Variants in APBB1IP observed in about 807,000 individuals in gnomAD.
APBB1IP encodes the protein amyloid beta precursor protein binding family B member 1 interacting protein.
A neutral mutation model predicts 64.9 loss-of-function variants in APBB1IP; 27 were observed. That is an observed-to-expected ratio of 0.42 (90% CI 0.31 to 0.57). The LOEUF is 0.57. Ranked by LOEUF, APBB1IP falls within the 20% of genes least tolerant of loss-of-function variation. The pLI is 0.20. For synonymous variants in APBB1IP, 392 were observed against 331.0 expected (o/e 1.18, Z -2.00); for missense variants, 812 against 845.5 (o/e 0.96, Z 0.49).
chr10:26,440,253 C>T (rs948453636), intron 2 of APBB1IP, among the ~76,000 whole-genome samples: 1 of 152,058 alleles, frequency 6.6e-6, no homozygotes, highest in Admixed American at 6.5e-5. Flanking sequence ...CAGATAACGT[C>T]AGTAAAGTGA....
At chr10:26,447,508 G>A (rs1835415331) in intron 2 of APBB1IP, among the ~76,000 whole-genome samples, 1 of 152,128 alleles carries the variant, frequency 6.6e-6, no homozygotes, top group South Asian at 2.1e-4. Flanking sequence ...AAGGAAATGG[G>A]GAGAATCTAA....
chr10:26,476,400 TTGCACCAC>T (rs1835775650), intron 2 of APBB1IP, among the ~76,000 whole-genome samples: 1 of 129,086 alleles, frequency 7.7e-6, no homozygotes, highest in Non-Finnish European at 1.5e-5. Flanking sequence ...TGAGCTCTGA[TTGCACCAC>T]TGCACTCCAG....
At chr10:26,459,357 G>A (rs537986540) in intron 2 of APBB1IP, among the ~76,000 whole-genome samples, 12 of 152,062 alleles carry the variant, frequency 7.9e-5, no homozygotes, top group East Asian at 3.9e-4. Flanking sequence ...CATTTGGGTC[G>A]GTTCCAAGTT....
intron 8 of APBB1IP, among the ~76,000 whole-genome samples, chr10:26,520,404 C>A (rs1836388463): frequency 6.6e-6 from 1 of 152,142 alleles, no homozygotes; most frequent in African/African-American, 2.4e-5. Flanking sequence ...GCTTACCTGG[C>A]CCAGAATATC....
At chr10:26,554,052 C>T (rs1836864923) in intron 11 of APBB1IP, among the ~76,000 whole-genome samples, 2 of 152,128 alleles carry the variant, frequency 1.3e-5, no homozygotes, top group African/African-American at 2.4e-5. Context: ...ATTCCTAATC[C>T]GTAGTGGACA....
At chr10:26,462,246 C>A (rs1196968990) in intron 2 of APBB1IP, among the ~76,000 whole-genome samples, 1 of 152,152 alleles carries the variant, frequency 6.6e-6, no homozygotes, top group African/African-American at 2.4e-5. Flanking sequence ...AGATCTTTTT[C>A]TGGACCTCTT....
intron 8 of APBB1IP, among the ~76,000 whole-genome samples, chr10:26,521,685 T>C (rs1029034528): frequency 1.3e-5 from 2 of 152,230 alleles, no homozygotes; most frequent in African/African-American, 4.8e-5. Context: ...TGAAAAACCA[T>C]GTGCCACCTC....
In APBB1IP at chr10:26,566,970, C is replaced by G; in HGVS notation, c.1483C>G (p.Pro495Ala). ...RHAETSKDKK[P>A]ALGNHHDPAV... ...TGCCACTCGGTTGCAGGATAAGAAG[C>G]CAGCCCTCGGGAACCACCACGACCC... The change falls in exon 15 of 15, where the codon CCA becomes GCA. Residue 495 changes from proline (P) to alanine (A), a missense_variant. Pro to Ala is a conservative substitution (Grantham distance 27). This residue lies in a region of APBB1IP where 381 missense variants were observed against 352.1 expected (regional missense o/e 1.08). Transcript: ENST00000376236. The G allele has an allele frequency of 6.3e-7, 1 of 1,579,616 alleles. No individual in the cohort carries two copies. The highest frequency in any genetic ancestry group is 1.7e-5 in the Admixed American group (1 of 57,626).
At chr10:26,441,460 C>T (rs147043482) in intron 2 of APBB1IP, among the ~76,000 whole-genome samples, 11 of 152,154 alleles carry the variant, frequency 7.2e-5, no homozygotes. Flanking sequence ...GAAGGGCAGA[C>T]CCTGAGGACA....
At chr10:26,465,794 T>G (rs1423667793) in intron 2 of APBB1IP, among the ~76,000 whole-genome samples, 1 of 152,214 alleles carries the variant, frequency 6.6e-6, no homozygotes, top group African/African-American at 2.4e-5. Context: ...ATGAGGATAA[T>G]ATATTTTGCA....
intron 5 of APBB1IP, among the ~76,000 whole-genome samples, chr10:26,502,164 T>C (rs962411078): frequency 6.6e-6 from 1 of 152,170 alleles, no homozygotes; most frequent in Non-Finnish European, 1.5e-5. Context: ...AAAAGATACA[T>C]GCCTATATTC....
intron 2 of APBB1IP, among the ~76,000 whole-genome samples, chr10:26,439,331 A>G (rs1835314381): frequency 6.6e-6 from 1 of 152,058 alleles, no homozygotes; most frequent in African/African-American, 2.4e-5. Flanking sequence ...TCGCAGTCTG[A>G]TGCATCTTAG....
intron 13 of APBB1IP, among the ~76,000 whole-genome samples, chr10:26,561,064 C>CTTTCTTTTTTT (rs1218039459): frequency 1.2e-4 from 8 of 69,210 alleles, no homozygotes; most frequent in Admixed American, 9.2e-4. Flanking sequence ...TTCTTTCTTT[C>CTTTCTTTTTTT]TTTTTTTTTT....
chr10:26,565,444 C>G (rs767448539), intron 14 of APBB1IP, among the ~76,000 whole-genome samples: 5 of 152,180 alleles, frequency 3.3e-5, no homozygotes, highest in Non-Finnish European at 2.9e-5. Context: ...ATAGACTGAG[C>G]CAACCCCACA....
intron 13 of APBB1IP, among the ~76,000 whole-genome samples, chr10:26,561,092 A>G (rs1227266169): frequency 2.6e-5 from 1 of 38,254 alleles, no homozygotes; most frequent in Admixed American, 3.8e-4. Context: ...TTTTTTTGAG[A>G]CTCTCTCGCA....
chr10:26,476,077 T>G (rs1190955793), intron 2 of APBB1IP, among the ~76,000 whole-genome samples: 1 of 149,548 alleles, frequency 6.7e-6, no homozygotes, highest in African/African-American at 2.5e-5. Flanking sequence ...TTTTTTTTTT[T>G]TGAGAGAGTC....
chr10:26,532,475 A>G (rs961491312), intron 8 of APBB1IP, among the ~76,000 whole-genome samples: 1 of 151,814 alleles, frequency 6.6e-6, no homozygotes, highest in Non-Finnish European at 1.5e-5. Context: ...TTATTTCTTT[A>G]TTTTTTTATT....
chr10:26,563,191 C>T (rs702987), intron 14 of APBB1IP, among the ~76,000 whole-genome samples: 146,823 of 152,178 alleles, frequency 0.96, 70,854 homozygotes, highest in East Asian at 1. Context: ...GCTAAAAGAG[C>T]TACATTATAA....
Position 26,506,250 on chromosome 10 carries a change from T to TGGGG in APBB1IP, c.531+2985_531+2988dup, listed in dbSNP as rs60855722. On this transcript the variant is annotated intron_variant, in intron 6 of 14. Coordinates refer to ENST00000376236, the MANE Select transcript of APBB1IP (RefSeq NM_019043.4). ...AGTGCTTAACACTACCGTGTGTGTG[T>TGGGG]GGGGGGGGGGGGTGGGGGGCAAGGT... Among the ~76,000 whole-genome samples the TGGGG allele has an allele frequency of 8.2e-4, 51 of 62,410 alleles. 1 individual carries two copies. Among genetic ancestry groups the TGGGG allele is most frequent in the African/African-American group, 2.8e-3 (41 of 14,512 alleles). 40.9% of individuals were successfully genotyped at this position (62,410 alleles called of 152,430 possible).
Sources: allele counts gnomAD v4.1 joint callset (sites outside exome capture counted in the v4.1 genomes callset), GRCh38; gene constraint gnomAD v4.1.1; regional missense constraint gnomAD v4.1.1; transcripts MANE v1.5; gene names NCBI Gene and HGNC (gene_info 2026-07-23, HGNC 2026-07-21).